Variants in DRC9 observed in about 807,000 individuals in gnomAD.
DRC9 encodes dynein regulatory complex protein 9.
At chr3:197,954,635 G>A in the DRC9 span, among the ~76,000 whole-genome samples, 7 of 152,188 alleles carry the variant, frequency 4.6e-5, no homozygotes, top group Admixed American at 4.6e-4. Context: ...TCAGCCTCCC[G>A]AGTAGCTGGA....
chr3:197,918,604 A>G, the DRC9 span, among the ~76,000 whole-genome samples: 75 of 152,292 alleles, frequency 4.9e-4, no homozygotes, highest in African/African-American at 1.7e-3. Flanking sequence ...ACAGAATCTA[A>G]ATAGTGTTAG....
chr3:197,905,927 A>C, the DRC9 span, among the ~76,000 whole-genome samples: 1 of 152,168 alleles, frequency 6.6e-6, no homozygotes, highest in African/African-American at 2.4e-5. Context: ...CCTGATGAGA[A>C]GAAAAACTTT....
At chr3:197,956,124 T>G in the DRC9 span, 1 of 283,138 alleles carries the variant, frequency 3.5e-6, no homozygotes, top group South Asian at 3.8e-5. Flanking sequence ...CCCTGGGTCA[T>G]TTTTAAATTT....
chr3:197,959,176 C>G, the DRC9 span: 1 of 152,096 alleles, frequency 6.6e-6, no homozygotes, highest in South Asian at 2.1e-4. Context: ...CACTGCACTC[C>G]AGCCTGGGCG....
At chr3:197,897,770 CT>C in the DRC9 span, among the ~76,000 whole-genome samples, 2,560 of 126,300 alleles carry the variant, frequency 0.02, 32 homozygotes, top group African/African-American at 0.07. Flanking sequence ...AAGCATAAAC[CT>C]TTTTTTTTTT....
chr3:197,945,602 T>C, the DRC9 span: 818 of 1,554,810 alleles, frequency 5.3e-4, no homozygotes, highest in Non-Finnish European at 6.7e-4. Flanking sequence ...ACAAAAAACA[T>C]TGGAATTTTA....
At chr3:197,925,516 G>A in the DRC9 span, among the ~76,000 whole-genome samples, 50 of 151,890 alleles carry the variant, frequency 3.3e-4, no homozygotes, top group Middle Eastern at 3.4e-3. Flanking sequence ...TTGGGGTCTC[G>A]CAGGGCTCTA....
chr3:197,912,571 G>A, the DRC9 span: 1 of 824,582 alleles, frequency 1.2e-6, no homozygotes, highest in South Asian at 1.6e-5. Context: ...TCATTAGGCT[G>A]AAAGAATGAT....
At chr3:197,955,939 G>T in the DRC9 span, 1 of 652,798 alleles carries the variant, frequency 1.5e-6, no homozygotes, top group Non-Finnish European at 2.8e-6. Context: ...GAAAATTACA[G>T]GGCGAGTACA....
At chr3:197,935,683 A>T in the DRC9 span, among the ~76,000 whole-genome samples, 1 of 151,538 alleles carries the variant, frequency 6.6e-6, no homozygotes, top group African/African-American at 2.4e-5. Flanking sequence ...AGGTCTCGCT[A>T]TGTTGCCCAG....
the DRC9 span, chr3:197,959,604 A>G: frequency 6.6e-6 from 1 of 152,136 alleles, no homozygotes; most frequent in African/African-American, 2.4e-5. Context: ...AGCCACTGGG[A>G]TTTGTCCCAA....
chr3:197,942,328 G>A, the DRC9 span, among the ~76,000 whole-genome samples: 1 of 133,054 alleles, frequency 7.5e-6, no homozygotes, highest in African/African-American at 2.9e-5. Context: ...AGCTTGCAGT[G>A]AGCCAAGATC....
At chr3:197,945,604 G>T in the DRC9 span, 6 of 1,560,804 alleles carry the variant, frequency 3.8e-6, no homozygotes, top group Non-Finnish European at 5.3e-6. Flanking sequence ...AAAAAACATT[G>T]GAATTTTAAA....
chr3:197,926,951 C>T, the DRC9 span, among the ~76,000 whole-genome samples: 3 of 152,184 alleles, frequency 2.0e-5, no homozygotes, highest in Non-Finnish European at 4.4e-5. Flanking sequence ...GACTAACACA[C>T]TTGCCATGGT....
chr3:197,937,341 A>G, the DRC9 span, among the ~76,000 whole-genome samples: 1 of 152,220 alleles, frequency 6.6e-6, no homozygotes, highest in Non-Finnish European at 1.5e-5. Flanking sequence ...TAGAATAATA[A>G]TAGCTATATA....
chr3:197,951,462 C>A, the DRC9 span: 1 of 783,778 alleles, frequency 1.3e-6, no homozygotes. Flanking sequence ...AAGCAAGTGT[C>A]CTGTCTCAGC....
At chr3:197,889,239 T>C in the DRC9 span, 1 of 247,274 alleles carries the variant, frequency 4.0e-6, no homozygotes, top group African/African-American at 2.2e-5. Context: ...ATTACAGGAA[T>C]TACTCAAGTT....
At chr3:197,932,075 AGCACACG>A in the DRC9 span, 1 of 1,294,742 alleles carries the variant, frequency 7.7e-7, no homozygotes, top group South Asian at 1.4e-5. Flanking sequence ...TTCCCTGGAA[AGCACACG>A]GTTGGTTTGC....
chr3:197,955,957 A>G, the DRC9 span: 2 of 612,244 alleles, frequency 3.3e-6, no homozygotes, highest in African/African-American at 3.7e-5. Context: ...ACAGAGATTT[A>G]GAAGGGAACG....
Sources: allele counts gnomAD v4.1 joint callset (sites outside exome capture counted in the v4.1 genomes callset), GRCh38; gene constraint gnomAD v4.1.1; transcripts MANE v1.5; gene names NCBI Gene and HGNC (gene_info 2026-07-23, HGNC 2026-07-21).